Variants in CAMK2D observed in about 807,000 individuals in gnomAD.
CAMK2D encodes calcium/calmodulin dependent protein kinase II delta.
A neutral mutation model predicts 84.0 loss-of-function variants in CAMK2D; 37 were observed. The ratio of observed to expected loss-of-function variants is 0.44; its 90% confidence interval spans 0.34 to 0.58. CAMK2D has a LOEUF of 0.58. CAMK2D is among the 20% of genes least tolerant of loss of function. The pLI is 0.02. For missense variants in CAMK2D, 448 were observed against 652.5 expected, an observed-to-expected ratio of 0.69 and a Z score of 3.41; for synonymous variants, 202 against 212.5, an observed-to-expected ratio of 0.95 and a Z score of 0.43.
Position 113,761,640 on chromosome 4 carries a change from C to T in CAMK2D, c.-572G>A. ...GCGTGCGCGCCCGAGGCCGGCTTCCCTCCGGCGGGCGGCAGCGGCTCCGGC... is the reference window on the plus strand; with the variant it reads ...GCGTGCGCGCCCGAGGCCGGCTTCCTTCCGGCGGGCGGCAGCGGCTCCGGC... On this transcript the variant is annotated 5_prime_UTR_variant, in exon 1 of 21. Coordinates refer to ENST00000511664, the MANE Select transcript of CAMK2D (RefSeq NM_001321571.2). 4.1e-6 allele frequency: 4 copies of T among 985,192 alleles called. No individual in the cohort carries two copies. The highest frequency in any genetic ancestry group is 4.8e-6 in the Non-Finnish European group (4 of 829,856). 61.0% of individuals were successfully genotyped at this position (985,192 alleles called of 1,614,324 possible).
intron 2 of CAMK2D, among the ~76,000 whole-genome samples, chr4:113,710,525 T>C (rs1232990925): frequency 1.3e-5 from 2 of 152,206 alleles, no homozygotes; most frequent in East Asian, 3.8e-4. Context: ...AATCGATTAT[T>C]CCTTTCCTTT....
chr4:113,673,448 A>G (rs2037489759), intron 2 of CAMK2D, among the ~76,000 whole-genome samples: 2 of 152,200 alleles, frequency 1.3e-5, no homozygotes, highest in South Asian at 4.1e-4. Context: ...TGGCAAGGCA[A>G]TGTAATCCCA....
intron 2 of CAMK2D, among the ~76,000 whole-genome samples, chr4:113,684,049 T>C (rs2099352917): frequency 2.0e-5 from 3 of 152,136 alleles, no homozygotes. Context: ...TTGAGAGATT[T>C]ATATATAAAA....
intron 4 of CAMK2D, among the ~76,000 whole-genome samples, chr4:113,595,556 C>T (rs988869049): frequency 2.7e-5 from 4 of 150,642 alleles, no homozygotes; most frequent in East Asian, 1.9e-4. Flanking sequence ...TATAAGATAC[C>T]GATACTACCC....
chr4:113,548,867 C>T (rs1030197116), intron 5 of CAMK2D: 12 of 551,544 alleles, frequency 2.2e-5, no homozygotes, highest in East Asian at 9.6e-5. Flanking sequence ...TTTAGCTTTA[C>T]GTTGGAATCA....
chr4:113,539,793 T>C (rs537836044), intron 6 of CAMK2D, among the ~76,000 whole-genome samples: 6 of 152,048 alleles, frequency 3.9e-5, no homozygotes, highest in African/African-American at 1.4e-4. Context: ...GAGACTAACA[T>C]GATTTCATGT....
chr4:113,717,750 T>C (rs764589569), intron 2 of CAMK2D, among the ~76,000 whole-genome samples: 1 of 152,088 alleles, frequency 6.6e-6, no homozygotes, highest in Non-Finnish European at 1.5e-5. Context: ...ATTTCCTTCG[T>C]AATAGTCTTA....
At chr4:113,749,394 A>G (rs2099612009) in intron 2 of CAMK2D, among the ~76,000 whole-genome samples, 1 of 151,968 alleles carries the variant, frequency 6.6e-6, no homozygotes. Context: ...CTCCCTCACC[A>G]AATTTCTCAA....
chr4:113,719,452 G>A (rs1426884159), intron 2 of CAMK2D, among the ~76,000 whole-genome samples: 1 of 152,194 alleles, frequency 6.6e-6, no homozygotes, highest in African/African-American at 2.4e-5. Context: ...ATGCCCTTCA[G>A]AGCAACTTTT....
chr4:113,536,554 C>T lies in CAMK2D; in HGVS notation c.517+787G>A, dbSNP rs544184287. 6.6e-5 allele frequency among the ~76,000 whole-genome samples: 10 copies of T among 152,042 alleles called. No individual in the cohort carries two copies. The South Asian group carries it at 2.1e-3, about 32-fold the overall frequency. Reference sequence around the variant, plus strand: ...AAACAATTATCTAACCTCAACACACCGAAAGTCAGAAGACAAGACAGGCTT... The same window carrying T: ...AAACAATTATCTAACCTCAACACACTGAAAGTCAGAAGACAAGACAGGCTT... On this transcript the variant is annotated intron_variant, in intron 7 of 20. Transcript: ENST00000511664.
intron 16 of CAMK2D, among the ~76,000 whole-genome samples, chr4:113,471,870 T>C (rs1349979038): frequency 6.6e-6 from 1 of 150,844 alleles, no homozygotes; most frequent in Non-Finnish European, 1.5e-5. Flanking sequence ...TTTAAAGATC[T>C]TCTTACTTTT....
chr4:113,606,124 C>T (rs1295254018), intron 4 of CAMK2D, among the ~76,000 whole-genome samples: 2 of 151,860 alleles, frequency 1.3e-5, no homozygotes, highest in African/African-American at 4.8e-5. Flanking sequence ...GAAATAGAGG[C>T]TATAAAGAAG....
intron 2 of CAMK2D, among the ~76,000 whole-genome samples, chr4:113,681,409 G>T (rs2099345548): frequency 6.6e-6 from 1 of 152,134 alleles, no homozygotes; most frequent in African/African-American, 2.4e-5. Flanking sequence ...CTGCCGCCAT[G>T]TGAAGAAGGA....
At chr4:113,659,051 TTTTTA>T in intron 3 of CAMK2D, among the ~76,000 whole-genome samples, 1 of 152,216 alleles carries the variant, frequency 6.6e-6, no homozygotes, top group African/African-American at 2.4e-5. Flanking sequence ...ATTCTTTCTC[TTTTTA>T]TAAGTTTAGT....
At chr4:113,542,632 A>G (rs550803918) in intron 6 of CAMK2D, among the ~76,000 whole-genome samples, 49 of 151,838 alleles carry the variant, frequency 3.2e-4, no homozygotes, top group East Asian at 1.6e-3. Context: ...GGAGAATGGC[A>G]TGAACCAGGG....
intron 2 of CAMK2D, among the ~76,000 whole-genome samples, chr4:113,753,033 A>G (rs1319097467): frequency 6.6e-6 from 1 of 152,096 alleles, no homozygotes; most frequent in Non-Finnish European, 1.5e-5. Flanking sequence ...CTCTAATAGC[A>G]ATCAACAGGA....
intron 2 of CAMK2D, among the ~76,000 whole-genome samples, chr4:113,749,387 C>T (rs1241343888): frequency 6.6e-6 from 1 of 151,784 alleles, no homozygotes; most frequent in African/African-American, 2.4e-5. Flanking sequence ...GTACACTCTC[C>T]CTCACCAAAT....
chr4:113,677,517 G>A, intron 2 of CAMK2D: 1 of 947,162 alleles, frequency 1.1e-6, no homozygotes, highest in Non-Finnish European at 1.3e-6. Context: ...CTTCCTTCTT[G>A]AAGGAACTTG....
intron 3 of CAMK2D, among the ~76,000 whole-genome samples, chr4:113,635,429 A>T (rs1307590572): frequency 6.6e-6 from 1 of 152,202 alleles, no homozygotes; most frequent in Non-Finnish European, 1.5e-5. Context: ...CTTTATATAT[A>T]GAATTTCTAA....
Sources: gnomAD v4.1 joint callset for allele counts (sites outside exome capture counted in the v4.1 genomes callset) on GRCh38, gnomAD v4.1.1 for gene constraint, MANE v1.5 for transcripts, NCBI Gene and HGNC (gene_info 2026-07-23, HGNC 2026-07-21) for gene names.